Variants in IKBKB observed in about 807,000 individuals in gnomAD.
IKBKB encodes the protein inhibitor of nuclear factor kappa-B kinase subunit beta.
Under a neutral mutation model 113.6 loss-of-function variants are expected in IKBKB, and 42 were observed. That is an observed-to-expected ratio of 0.37 (90% CI 0.29 to 0.48). The LOEUF (loss-of-function observed/expected upper bound fraction) is 0.48, where lower values mean the gene tolerates loss of function less well. IKBKB is among the 20% of genes least tolerant of loss of function. The pLI is 0.99. For missense variants in IKBKB, 673 were observed against 939.7 expected (o/e 0.72, Z 3.71); for synonymous variants, 296 against 361.3 (o/e 0.82, Z 2.05).
intron 2 of IKBKB, among the ~76,000 whole-genome samples, chr8:42,274,595 C>T (rs987209786): frequency 1.1e-4 from 17 of 150,568 alleles, no homozygotes; most frequent in African/African-American, 3.2e-4. Flanking sequence ...TGCAGTGGCG[C>T]GATCTTGGCT....
At chr8:42,291,214 C>T (rs1207949743) in intron 4 of IKBKB, among the ~76,000 whole-genome samples, 2 of 152,154 alleles carry the variant, frequency 1.3e-5, no homozygotes, top group African/African-American at 4.8e-5. Context: ...AAGAGTCTCG[C>T]TGTATTGCCC....
chr8:42,329,968 G>A (rs889984916), intron 21 of IKBKB: 1 of 985,334 alleles, frequency 1.0e-6, no homozygotes, highest in Non-Finnish European at 1.2e-6. Context: ...CTTTGCTGAT[G>A]TAGTCGCATG....
rs761531434 is a variant in IKBKB, at chr8:42,294,542, CA to C, written c.388+1031del. Among the ~76,000 whole-genome samples, 635 of 152,192 alleles carry C rather than the reference CA, an allele frequency of 4.2e-3. 15 individuals are homozygous for C. The highest frequency in any genetic ancestry group is 8.4e-4 in the Non-Finnish European group (57 of 68,028). On this transcript the variant is annotated intron_variant, in intron 5 of 21. Transcript: ENST00000520810. ...GTCTCTTCCTGACTGCTGCTTTTGA[CA>C]GAGGAGAAGCAAGAAGGAAAGGAAG... is the stretch of plus-strand genomic sequence containing the variant.
At chr8:42,273,419 A>T (rs865804318) in intron 2 of IKBKB, among the ~76,000 whole-genome samples, 79 of 101,066 alleles carry the variant, frequency 7.8e-4, no homozygotes, top group South Asian at 2.1e-3. Context: ...TGTCTCAAAA[A>T]ATATATATAT....
rs1821335914 is a variant in IKBKB at position 42,329,107 on chromosome 8, T to G, written c.2115-17T>G. ...CTAATAATGACCACTTTCTAATAATTTGATCATTTTCTTTAGTGAAGAACT... is the reference window on the plus strand; with the variant it reads ...CTAATAATGACCACTTTCTAATAATGTGATCATTTTCTTTAGTGAAGAACT... On this transcript the variant is annotated splice_polypyrimidine_tract_variant and intron_variant, in intron 20 of 21. Transcript: ENST00000520810. 1.9e-6 allele frequency: 3 copies of G among 1,595,394 alleles called. No individual in the cohort carries two copies.
At chr8:42,301,711 G>A (rs1464183471) in intron 5 of IKBKB, among the ~76,000 whole-genome samples, 4 of 152,230 alleles carry the variant, frequency 2.6e-5, no homozygotes, top group Non-Finnish European at 1.5e-5. Context: ...GATATTAATA[G>A]TAGTCAGAGT....
intron 5 of IKBKB, among the ~76,000 whole-genome samples, chr8:42,293,970 C>T (rs1813191402): frequency 6.6e-6 from 1 of 152,192 alleles, no homozygotes; most frequent in African/African-American, 2.4e-5. Flanking sequence ...ATGAGGGCAT[C>T]TGCGGCACCC....
intron 5 of IKBKB, among the ~76,000 whole-genome samples, chr8:42,300,858 T>G (rs924924065): frequency 6.6e-6 from 1 of 152,186 alleles, no homozygotes; most frequent in Non-Finnish European, 1.5e-5. Flanking sequence ...TTATTTTAGT[T>G]TTTGCATTTT....
Position 42,271,413 on chromosome 8 carries a change from A to G in IKBKB, c.-75A>G. 1 of 1,506,426 alleles carries G rather than the reference A, an allele frequency of 6.6e-7. No individual in the cohort carries two copies. Among genetic ancestry groups the G allele is most frequent in the Non-Finnish European group, 8.9e-7 (1 of 1,124,460 alleles). The allele number at this position is 1,506,426 out of a possible 1,614,324, so 93.3% of individuals were successfully genotyped here. A position where few individuals can be genotyped will look rare whatever the true frequency, so the allele number is the denominator to read the frequency against. ...TCATAGCCCCGGGTTTGGCCGCCCC[A>G]GCCCCGCCTTCCCCGCCCCGGGGAG... On this transcript the variant is annotated 5_prime_UTR_variant, in exon 1 of 22. Coordinates refer to ENST00000520810, the MANE Select transcript of IKBKB (RefSeq NM_001556.3).
intron 5 of IKBKB, among the ~76,000 whole-genome samples, chr8:42,303,091 ATG>A (rs1815679342): frequency 1.2e-4 from 7 of 57,844 alleles, no homozygotes; most frequent in African/African-American, 4.4e-4. Context: ...GAGAGAGAGA[ATG>A]AGAGAGAGAG....
intron 8 of IKBKB, among the ~76,000 whole-genome samples, chr8:42,312,891 G>C (rs543627243): frequency 6.6e-6 from 1 of 152,228 alleles, no homozygotes; most frequent in Non-Finnish European, 1.5e-5. Context: ...AGGAAAAACC[G>C]TAGTTGGACA....
At chr8:42,313,845 C>T (rs939878600) in intron 8 of IKBKB, among the ~76,000 whole-genome samples, 3 of 152,128 alleles carry the variant, frequency 2.0e-5, no homozygotes, top group South Asian at 2.1e-4. Context: ...CTGCCTGACT[C>T]GATGTGAATG....
In IKBKB at chr8:42,325,992, G is replaced by T. The variant is rs1820665360; in HGVS notation, c.2009G>T (p.Ser670Ile). Residue 670 changes from serine to isoleucine, a missense_variant, in exon 20 of 22, where the codon AGT (serine) becomes ATT (isoleucine). Ser to Ile is a moderately radical substitution (Grantham distance 142, BLOSUM62 -2). Around this residue, in one of 2 missense-constraint regions of IKBKB, gnomAD observed 506 missense variants for 638.7 expected, o/e 0.79. Coordinates refer to ENST00000520810, the MANE Select transcript of IKBKB (RefSeq NM_001556.3). ...IACSKVRGPV[S>I]GSPDSMNASR... ...TAGAGCAAGGTCCGTGGTCCTGTCAGTGGAAGCCCGGATAGCATGAATGCC... is the reference window on the plus strand; with the variant it reads ...TAGAGCAAGGTCCGTGGTCCTGTCATTGGAAGCCCGGATAGCATGAATGCC... The T allele has an allele frequency of 1.2e-6, 2 of 1,614,116 alleles. No individual in the cohort carries two copies. Among genetic ancestry groups the T allele is most frequent in the African/African-American group, 1.3e-5 (1 of 74,942 alleles).
intron 21 of IKBKB, 41 bp downstream of exon 21, chr8:42,329,255 C>G (rs1821360349): frequency 1.3e-6 from 2 of 1,527,052 alleles, no homozygotes; most frequent in African/African-American, 2.9e-5. Flanking sequence ...CATGTCCTTT[C>G]TTTCTATGGC....
intron 16 of IKBKB, chr8:42,321,112 A>G (rs542709260): frequency 7.5e-4 from 247 of 331,392 alleles, no homozygotes; most frequent in South Asian, 3.6e-3. Context: ...AAGGCTGTAA[A>G]ATGCAAGCAG....
chr8:42,329,586 T>C, intron 21 of IKBKB: 1 of 959,628 alleles, frequency 1.0e-6, no homozygotes, highest in Non-Finnish European at 1.2e-6. Context: ...CAACTACATG[T>C]ATGCATTATC....
intron 5 of IKBKB, among the ~76,000 whole-genome samples, chr8:42,301,866 C>T (rs1815283080): frequency 1.3e-5 from 2 of 152,200 alleles, no homozygotes; most frequent in Admixed American, 1.3e-4. Context: ...CCTGGTTGTG[C>T]CCTGGGTTTT....
chr8:42,331,594 T>G lies in IKBKB; in HGVS notation c.*615T>G, dbSNP rs1224051617. On this transcript the variant is annotated 3_prime_UTR_variant, in exon 22 of 22. Coordinates refer to ENST00000520810, the MANE Select transcript of IKBKB (RefSeq NM_001556.3). ...CTTTTTATTTCACTGCTGCTAAAAT[T>G]GTGTTTTTACCTACTACTTTGGTGG... The G allele has an allele frequency of 1.0e-5, 6 of 595,460 alleles. No homozygotes were observed. Among genetic ancestry groups the G allele is most frequent in the Non-Finnish European group, 1.8e-5 (6 of 334,312 alleles). The allele number at this position is 595,460 out of a possible 1,614,324, so 36.9% of individuals were successfully genotyped here.
intron 5 of IKBKB, among the ~76,000 whole-genome samples, chr8:42,294,569 G>A (rs957129545): frequency 7.9e-5 from 12 of 152,208 alleles, no homozygotes; most frequent in African/African-American, 2.9e-4. Context: ...GGAAAGGAAG[G>A]GGAAAAGTCA....
Sources: allele counts gnomAD v4.1 joint callset (sites outside exome capture counted in the v4.1 genomes callset), GRCh38; gene constraint gnomAD v4.1.1; regional missense constraint gnomAD v4.1.1; transcripts MANE v1.5; gene names NCBI Gene and HGNC (gene_info 2026-07-23, HGNC 2026-07-21).